The following DLGAP2 variants were observed in gnomAD, a reference collection of about 807,000 sequenced individuals.
The protein encoded by DLGAP2 is disks large-associated protein 2.
A neutral mutation model predicts 100.3 loss-of-function variants in DLGAP2; 26 were observed. That is an observed-to-expected ratio of 0.26 (90% CI 0.19 to 0.36). The LOEUF is 0.36. Among genes scored for constraint, DLGAP2 ranks in the 10% least tolerant of loss-of-function variants. The probability of loss-of-function intolerance (pLI) is 1.00; values close to 1 mark genes in which losing one functional copy is unlikely to be tolerated. For synonymous variants in DLGAP2, 886 were observed against 630.1 expected (o/e 1.41, Z -6.08); for missense variants, 1,858 against 1,453.2 (o/e 1.28, Z -4.53).
At chr8:1,381,953 C>T (rs781704106) in intron 3 of DLGAP2, among the ~76,000 whole-genome samples, 10 of 152,104 alleles carry the variant, frequency 6.6e-5, no homozygotes, top group Admixed American at 1.3e-4. Flanking sequence ...AAAGTCTACA[C>T]AGTGTTTTTT....
chr8:1,112,378 C>G (rs1011847775), intron 2 of DLGAP2, among the ~76,000 whole-genome samples: 2 of 151,800 alleles, frequency 1.3e-5, no homozygotes, highest in African/African-American at 4.8e-5. Context: ...TTAGCTGGGA[C>G]TACAGGCATC....
intron 2 of DLGAP2, among the ~76,000 whole-genome samples, chr8:1,065,459 G>A (rs1803215920): frequency 6.6e-6 from 1 of 152,206 alleles, no homozygotes; most frequent in African/African-American, 2.4e-5. Context: ...ATTCATGCTG[G>A]AGTCGACAGT....
chr8:1,616,805 TG>T (rs57981910), intron 6 of DLGAP2, among the ~76,000 whole-genome samples: 152,268 of 152,268 alleles, frequency 1, 76,134 homozygotes, highest in Non-Finnish European at 1. Context: ...TCACGTCATG[TG>T]GGGTTTGGTG....
At chr8:760,379 T>C (rs1329426545) in intron 1 of DLGAP2, among the ~76,000 whole-genome samples, 1 of 152,176 alleles carries the variant, frequency 6.6e-6, no homozygotes, top group Non-Finnish European at 1.5e-5. Flanking sequence ...TTAGACCGAT[T>C]GTTTCTGAAA....
chr8:1,255,828 G>A lies in DLGAP2; in HGVS notation c.74-3023G>A, dbSNP rs1251735039. ...TATGTGTGTGTCTTCTCCTGCCCAGGTGCTGTGTGTGTGTCCTCTCCTGCC... is the reference window on the plus strand; with the variant it reads ...TATGTGTGTGTCTTCTCCTGCCCAGATGCTGTGTGTGTGTCCTCTCCTGCC... On this transcript the variant is annotated intron_variant, in intron 2 of 14. Transcript: ENST00000637795. 8.5e-3 allele frequency among the ~76,000 whole-genome samples: 1,053 copies of A among 124,290 alleles called. 2 individuals carry two copies. Among genetic ancestry groups the A allele is most frequent in the African/African-American group, 0.04 (981 of 24,614 alleles). The allele number at this position is 124,290 out of a possible 152,430, so 81.5% of individuals were successfully genotyped here. A position where few individuals can be genotyped will look rare whatever the true frequency, so the allele number is the denominator to read the frequency against.
At chr8:782,443 A>G (rs1303429330) in intron 1 of DLGAP2, among the ~76,000 whole-genome samples, 1 of 152,188 alleles carries the variant, frequency 6.6e-6, no homozygotes, top group Non-Finnish European at 1.5e-5. Flanking sequence ...TAAATATTAT[A>G]ATGTTAGATA....
Position 1,286,976 on chromosome 8 carries a change from A to C in DLGAP2, c.106+28093A>C, listed in dbSNP as rs147408560. 1.8e-3 allele frequency among the ~76,000 whole-genome samples: 270 copies of C among 152,346 alleles called. 2 individuals are homozygous for C. Among genetic ancestry groups the C allele is most frequent in the Middle Eastern group, 6.8e-3 (2 of 294 alleles). Reference sequence around the variant, plus strand: ...TTTTAGGCAGTTATAAACCTTAGCAAATTATTTTTAAAAAGAGAAGGTCAG... The same window carrying C: ...TTTTAGGCAGTTATAAACCTTAGCACATTATTTTTAAAAAGAGAAGGTCAG... On this transcript the variant is annotated intron_variant, in intron 3 of 14. Transcript: ENST00000637795.
At position 1,017,526 on chromosome 8, in the gene DLGAP2, C is replaced by CTG. The variant is rs138535174; in HGVS notation, c.73+109567_73+109568dup. Among the ~76,000 whole-genome samples, 219 of 73,782 alleles carry CTG rather than the reference C, an allele frequency of 3.0e-3. 4 individuals are homozygous for CTG. The highest frequency in any genetic ancestry group is 0.012 in the Middle Eastern group (2 of 162). The allele number at this position is 73,782 out of a possible 152,430, so 48.4% of individuals were successfully genotyped here. ...TGTGTGACCAGGACAGACGCCTCCA[C>CTG]TGTGTGTGACCAGGACAGACGATGC... is the stretch of plus-strand genomic sequence containing the variant. On this transcript the variant is annotated intron_variant, in intron 2 of 14. Coordinates refer to ENST00000637795, the MANE Select transcript of DLGAP2 (RefSeq NM_001346810.2).
intron 3 of DLGAP2, among the ~76,000 whole-genome samples, chr8:1,275,507 A>G (rs1585214616): frequency 6.6e-6 from 1 of 151,870 alleles, no homozygotes; most frequent in African/African-American, 2.4e-5. Context: ...CGTCAATCCC[A>G]GATGCAGGTG....
chr8:764,223 G>T (rs376109868), intron 1 of DLGAP2, among the ~76,000 whole-genome samples: 1 of 152,326 alleles, frequency 6.6e-6, no homozygotes, highest in African/African-American at 2.4e-5. Flanking sequence ...AGTCACAGGC[G>T]TGGATTTAGA....
chr8:1,580,803 A>C (rs1803208751), intron 6 of DLGAP2, among the ~76,000 whole-genome samples: 1 of 151,738 alleles, frequency 6.6e-6, no homozygotes, highest in African/African-American at 2.4e-5. Context: ...TACACACCAC[A>C]GTAAACTACC....
At chr8:1,045,439 GGAGA>G (rs2129031657) in intron 2 of DLGAP2, among the ~76,000 whole-genome samples, 1 of 152,216 alleles carries the variant, frequency 6.6e-6, no homozygotes, top group South Asian at 2.1e-4. Flanking sequence ...TAAACACTGC[GGAGA>G]GACTAAATTG....
intron 2 of DLGAP2, among the ~76,000 whole-genome samples, chr8:1,242,315 G>T (rs762203543): frequency 2.0e-5 from 3 of 152,176 alleles, no homozygotes; most frequent in Admixed American, 1.3e-4. Context: ...GGGGCAGGGC[G>T]GGGTTCTGGA....
chr8:1,331,365 G>A (rs1338927781), intron 3 of DLGAP2, among the ~76,000 whole-genome samples: 1 of 152,180 alleles, frequency 6.6e-6, no homozygotes, highest in African/African-American at 2.4e-5. Context: ...GGGTGGGCTA[G>A]TGGGCAGGTC....
intron 3 of DLGAP2, among the ~76,000 whole-genome samples, chr8:1,318,307 A>G (rs1186341361): frequency 2.0e-5 from 3 of 152,214 alleles, no homozygotes; most frequent in African/African-American, 4.8e-5. Flanking sequence ...AGGTTGTCAA[A>G]GAATGTATAG....
intron 3 of DLGAP2, among the ~76,000 whole-genome samples, chr8:1,478,435 A>G (rs574222046): frequency 4.6e-5 from 7 of 152,344 alleles, no homozygotes; most frequent in East Asian, 3.9e-4. Context: ...TGTGAAGAGC[A>G]TGCTTTCAGC....
intron 2 of DLGAP2, among the ~76,000 whole-genome samples, chr8:1,063,271 C>G (rs1301861292): frequency 6.6e-6 from 1 of 152,230 alleles, no homozygotes; most frequent in Non-Finnish European, 1.5e-5. Context: ...GTCCTCTGTT[C>G]TGTCTGAAGA....
intron 2 of DLGAP2, among the ~76,000 whole-genome samples, chr8:1,147,650 G>C (rs1230656975): frequency 2.6e-5 from 4 of 151,008 alleles, no homozygotes; most frequent in Admixed American, 6.6e-5. Flanking sequence ...TTCTGCCTCA[G>C]TCACCCTAGT....
chr8:1,669,597 G>C, intron 9 of DLGAP2, 146 bp from the exon 10 acceptor site: 2 of 676,420 alleles, frequency 3.0e-6, no homozygotes, highest in South Asian at 3.3e-5. Context: ...GGGCGGCCCA[G>C]GGAGGAGGGT....
Sources: gnomAD v4.1 joint callset for allele counts (sites outside exome capture counted in the v4.1 genomes callset) on GRCh38, gnomAD v4.1.1 for gene constraint, MANE v1.5 for transcripts, NCBI Gene and HGNC (gene_info 2026-07-23, HGNC 2026-07-21) for gene names.